ARID3A: variants seen among roughly 807,000 people sequenced by gnomAD.
ARID3A encodes AT-rich interaction domain 3A, also known as AT-rich interactive domain-containing protein 3A.
ARID3A carries 11 observed loss-of-function variants against 52.7 expected under a neutral mutation model. The ratio of observed to expected loss-of-function variants is 0.21; its 90% CI spans 0.13 to 0.35. ARID3A has a LOEUF of 0.35. Among genes scored for constraint, ARID3A ranks in the 10% least tolerant of loss-of-function variants. The pLI, the probability that ARID3A is intolerant of heterozygous loss-of-function variation, is 1.00. For missense variants in ARID3A, 721 were observed against 838.5 expected (o/e 0.86, Z 1.73); for synonymous variants, 404 against 359.4 (o/e 1.12, Z -1.40).
chr19:932,332 C>T, intron 2 of ARID3A, 86 bp from the exon 3 acceptor site: 1 of 1,556,378 alleles, frequency 6.4e-7, no homozygotes, highest in Non-Finnish European at 8.6e-7. Context: ...GAGAGGGAAA[C>T]TGAGGCTGGG....
chr19:962,966 G>A (rs1339373080), intron 4 of ARID3A, among the ~76,000 whole-genome samples: 2 of 152,208 alleles, frequency 1.3e-5, no homozygotes, highest in Non-Finnish European at 2.9e-5. Context: ...GGTTTCAGGT[G>A]GGATCGGGTC....
chr19:973,087 G>A lies in ARID3A; in HGVS notation c.*1022G>A, dbSNP rs1249273291. 5 of 80,204 alleles carry A rather than the reference G, an allele frequency of 6.2e-5. No individual in the cohort carries two copies. Among genetic ancestry groups the A allele is most frequent in the South Asian group, 4.0e-4 (1 of 2,472 alleles). 5.0% of individuals were successfully genotyped at this position (80,204 alleles called of 1,614,324 possible). A position where few individuals can be genotyped will look rare whatever the true frequency, so the allele number is the denominator to read the frequency against. ...TGCCGTGCTTGTCTGCTGGGCTCTC[G>A]AGTCAGGGGCCTGGAAATTTTTTTT... On this transcript the variant is annotated 3_prime_UTR_variant, in exon 9 of 9. Coordinates refer to ENST00000263620, the MANE Select transcript of ARID3A (RefSeq NM_005224.3).
intron 2 of ARID3A, among the ~76,000 whole-genome samples, chr19:930,931 G>C (rs2037314607): frequency 1.3e-5 from 2 of 152,166 alleles, no homozygotes; most frequent in Admixed American, 1.3e-4. Context: ...GTCCCCCCAG[G>C]GCTGGCTGAG....
intron 1 of ARID3A, among the ~76,000 whole-genome samples, chr19:926,934 C>G (rs1002386653): frequency 1.5e-4 from 23 of 151,892 alleles, no homozygotes; most frequent in African/African-American, 5.3e-4. Context: ...GAAATCCGGA[C>G]CAGGGTTTCT....
At chr19:961,405 G>A (rs893476005) in intron 4 of ARID3A, among the ~76,000 whole-genome samples, 2 of 152,196 alleles carry the variant, frequency 1.3e-5, no homozygotes, top group African/African-American at 4.8e-5. Flanking sequence ...GGACCTGGGC[G>A]GGGGCCCCTC....
intron 3 of ARID3A, among the ~76,000 whole-genome samples, chr19:955,576 C>T (rs1373256120): frequency 6.6e-6 from 1 of 152,174 alleles, no homozygotes; most frequent in African/African-American, 2.4e-5. Flanking sequence ...TTTCCCCATC[C>T]GGGATGTGAG....
intron 3 of ARID3A, among the ~76,000 whole-genome samples, chr19:933,858 G>C (rs1480690331): frequency 2.1e-5 from 3 of 146,264 alleles, no homozygotes; most frequent in Non-Finnish European, 4.6e-5. Context: ...GGGGGGGGGG[G>C]CGTCTCGCTG....
chr19:932,458 G>A lies in ARID3A; in HGVS notation c.409G>A (p.Gly137Arg), dbSNP rs546907163. The A allele has an allele frequency of 1.3e-4, 199 of 1,587,892 alleles. No homozygotes were observed. In the East Asian group the frequency reaches 1.9e-3, roughly 15 times the overall value. ...GGAGGAGGAGATGGAGGAAGACCTC[G>A]GGGAGGATGAGGAGGAGGAGGAGGA... ...WEEEEMEEDL[G>R]EDEEEEEEDY... The change falls in exon 3 of 9, where the codon GGG (glycine) becomes AGG (arginine). Residue 137 changes from glycine (G) to arginine (R), a missense_variant. Physicochemically the swap from Gly to Arg is moderately radical, Grantham distance 125. Transcript: ENST00000263620.
At position 972,171 on chromosome 19, in the gene ARID3A, G is replaced by T; in HGVS notation, c.*106G>T. On this transcript the variant is annotated 3_prime_UTR_variant, in exon 9 of 9. Coordinates refer to ENST00000263620, the MANE Select transcript of ARID3A (RefSeq NM_005224.3). ...GATGGCGGAAGATACGGGTGGGGAG[G>T]GAAGATATCCAGAAAGGAGCCACAG... is the stretch of plus-strand genomic sequence containing the variant. 9.6e-7 allele frequency: 1 copy of T among 1,046,074 alleles called. No individual in the cohort carries two copies. The highest frequency in any genetic ancestry group is 1.3e-6 in the Non-Finnish European group (1 of 762,166). 64.8% of individuals were successfully genotyped at this position (1,046,074 alleles called of 1,614,324 possible).
intron 3 of ARID3A, among the ~76,000 whole-genome samples, chr19:953,909 A>G (rs1384494745): frequency 1.3e-5 from 2 of 152,134 alleles, no homozygotes; most frequent in Admixed American, 6.5e-5. Context: ...CCTTGTCTCT[A>G]TAGAAATACA....
At position 944,327 on chromosome 19, in the gene ARID3A, T is replaced by TGTGC. The variant is rs1599398611; in HGVS notation, c.693+11588_693+11589insCGTG. ...TGGCTGCAGGGGCGCGTCCAGGGGG[T>TGTGC]GTGTGTGTGTGTGTGTGTGTGTCTG... On this transcript the variant is annotated intron_variant, in intron 3 of 8. Coordinates refer to ENST00000263620, the MANE Select transcript of ARID3A (RefSeq NM_005224.3). The surrounding 1 kb of genome is among the most constrained non-coding windows in gnomAD (Gnocchi z 5.9). Among the ~76,000 whole-genome samples, 1 of 145,192 alleles carries TGTGC rather than the reference T, an allele frequency of 6.9e-6. No individual in the cohort carries two copies. Among genetic ancestry groups the TGTGC allele is most frequent in the East Asian group, 2.0e-4 (1 of 4,992 alleles).
rs886087583 is a variant in ARID3A, at chr19:932,645, G to T, written c.596G>T (p.Gly199Val). 3 of 1,542,092 alleles carry T rather than the reference G, an allele frequency of 1.9e-6. No individual in the cohort carries two copies. The African/African-American group carries it at 4.1e-5, about 21-fold the overall frequency. ...PRVLGGQERPGPGPAHPGGAA... is the reference protein window; with the variant it reads ...PRVLGGQERPVPGPAHPGGAA... ...GTGCTGGGGGGCCAGGAGCGGCCGG[G>T]GCCTGGCCCTGCCCACCCCGGAGGG... The change falls in exon 3 of 9, where the codon GGG becomes GTG. Residue 199 changes from glycine (G) to valine (V), a missense_variant. This residue lies in a region of ARID3A where 349 missense variants were observed against 297.3 expected (regional missense o/e 1.17). Transcript: ENST00000263620.
At chr19:968,358 C>CAAA in intron 7 of ARID3A, 47 bp from the exon 8 acceptor site, 4 of 1,090,316 alleles carry the variant, frequency 3.7e-6, no homozygotes, top group Non-Finnish European at 5.1e-6. Flanking sequence ...GACTCTGTCT[C>CAAA]AAAAAAAAAA....
rs1380700489 is a variant in ARID3A, at chr19:947,878, G to A, written c.694-12214G>A. Among the ~76,000 whole-genome samples the A allele has an allele frequency of 6.6e-6, 1 of 152,200 alleles. No individual in the cohort carries two copies. Among genetic ancestry groups the A allele is most frequent in the Non-Finnish European group, 1.5e-5 (1 of 68,032 alleles). On this transcript the variant is annotated intron_variant, in intron 3 of 8. Coordinates refer to ENST00000263620, the MANE Select transcript of ARID3A (RefSeq NM_005224.3). This position sits in a 1 kb window ranked among gnomAD's most constrained non-coding sequence, Gnocchi z 6.3. ...CCCCAATTTCCCCACGCCCGGCGGG[G>A]CTCTCAGCATCTGCATCCGCCGAGG... is the stretch of plus-strand genomic sequence containing the variant.
intron 6 of ARID3A, among the ~76,000 whole-genome samples, chr19:966,226 G>C (rs947973077): frequency 6.6e-6 from 1 of 150,696 alleles, no homozygotes; most frequent in South Asian, 2.1e-4. Context: ...TTGGGAGGCC[G>C]AGGCGGGCGG....
At chr19:949,599 C>T (rs1358667008) in intron 3 of ARID3A, among the ~76,000 whole-genome samples, 3 of 152,068 alleles carry the variant, frequency 2.0e-5, no homozygotes, top group Non-Finnish European at 2.9e-5. Context: ...CAGGAGCCGC[C>T]GCCCCTGGCC....
At chr19:958,710 G>A (rs902050902) in intron 3 of ARID3A, among the ~76,000 whole-genome samples, 9 of 151,914 alleles carry the variant, frequency 5.9e-5, no homozygotes, top group African/African-American at 9.7e-5. Context: ...TGGCTAACAC[G>A]GTGAAGCCCC....
At chr19:934,896 C>T (rs898335518) in intron 3 of ARID3A, among the ~76,000 whole-genome samples, 26 of 152,330 alleles carry the variant, frequency 1.7e-4, no homozygotes, top group Admixed American at 7.8e-4. Context: ...GCCTGAGCCA[C>T]GGTGCCCAGC....
In ARID3A at chr19:959,378, A is replaced by G. The variant is rs73509668; in HGVS notation, c.694-714A>G. Among the ~76,000 whole-genome samples the G allele has an allele frequency of 0.028, 4,249 of 152,202 alleles. 213 individuals are homozygous for G. Among genetic ancestry groups the G allele is most frequent in the African/African-American group, 0.097 (4,031 of 41,500 alleles). ...AGCCTCCACTGCCCAGGCTCAAGCA[A>G]TCCTCCCACCTCAGCCTCCCGAGTA... On this transcript the variant is annotated intron_variant, in intron 3 of 8. Transcript: ENST00000263620. The surrounding 1 kb of genome is among the most constrained non-coding windows in gnomAD (Gnocchi z 5.0).
Sources: gnomAD v4.1 joint callset for allele counts (sites outside exome capture counted in the v4.1 genomes callset) on GRCh38, gnomAD v4.1.1 for gene constraint, gnomAD v4.1.1 regional missense constraint, Gnocchi (gnomAD v3.1) non-coding constraint, MANE v1.5 for transcripts, NCBI Gene and HGNC (gene_info 2026-07-23, HGNC 2026-07-21) for gene names.